BICC1: variants seen among roughly 807,000 people sequenced by gnomAD.
BICC1 encodes the protein BicC family RNA binding protein 1, also known as protein bicaudal C homolog 1.
In BICC1, 43 loss-of-function variants were observed where a neutral mutation model predicts 111.0. That is an observed-to-expected ratio of 0.39 (90% CI 0.30 to 0.50). The LOEUF (loss-of-function observed/expected upper bound fraction) is 0.50. Among genes scored for constraint, BICC1 ranks in the 20% least tolerant of loss-of-function variants. BICC1 has a pLI of 0.88. For synonymous variants in BICC1, 467 were observed against 434.4 expected (o/e 1.07, Z -0.93); for missense variants, 1,091 against 1,203.2 (o/e 0.91, Z 1.38).
chr10:58,757,003 CA>C (rs1842167230), intron 3 of BICC1, among the ~76,000 whole-genome samples: 1 of 152,096 alleles, frequency 6.6e-6, no homozygotes, highest in Non-Finnish European at 1.5e-5. Context: ...TTTAAAAATT[CA>C]ATTATTGTCT....
chr10:58,816,062 A>G (rs1411832777), intron 18 of BICC1, among the ~76,000 whole-genome samples: 2 of 152,156 alleles, frequency 1.3e-5, no homozygotes, highest in East Asian at 3.9e-4. Context: ...TTTCCTGGGC[A>G]TCCCTATTTA....
chr10:58,800,866 C>T, intron 13 of BICC1, 24 bp from the exon 14 acceptor site: 2 of 1,565,250 alleles, frequency 1.3e-6, no homozygotes, highest in Non-Finnish European at 8.6e-7. Flanking sequence ...AGGTGTTTCA[C>T]TTTTTTTTCC....
intron 3 of BICC1, among the ~76,000 whole-genome samples, chr10:58,729,658 C>T (rs571547909): frequency 5.9e-5 from 9 of 152,270 alleles, no homozygotes; most frequent in Non-Finnish European, 1.3e-4. Context: ...CTGGGGAGGC[C>T]TCAGGGAGCT....
At chr10:58,529,303 GT>G (rs1390686348) in intron 1 of BICC1, among the ~76,000 whole-genome samples, 1 of 151,880 alleles carries the variant, frequency 6.6e-6, no homozygotes, top group Non-Finnish European at 1.5e-5. Context: ...AAAATGTAAT[GT>G]TGTGCCTTAG....
chr10:58,757,125 C>T (rs1008729373), intron 3 of BICC1, among the ~76,000 whole-genome samples: 4 of 152,062 alleles, frequency 2.6e-5, no homozygotes, highest in Admixed American at 6.6e-5. Context: ...TCGTGTAACC[C>T]GCTACAAGAC....
intron 2 of BICC1, among the ~76,000 whole-genome samples, chr10:58,684,719 A>G (rs1839656127): frequency 1.3e-5 from 2 of 152,036 alleles, no homozygotes. Flanking sequence ...ATCGGTGGTG[A>G]TATCCCCTTT....
chr10:58,513,705 C>T (rs776017402), intron 1 of BICC1, among the ~76,000 whole-genome samples: 20 of 152,256 alleles, frequency 1.3e-4, no homozygotes, highest in Non-Finnish European at 2.4e-4. Flanking sequence ...CGTGACCCTC[C>T]CCATTCCCTG....
chr10:58,536,567 G>GCAA, intron 1 of BICC1, among the ~76,000 whole-genome samples: 1 of 151,886 alleles, frequency 6.6e-6, no homozygotes, highest in Admixed American at 6.6e-5. Flanking sequence ...AGCAAAAGCA[G>GCAA]TGTTAAGAGG....
intron 1 of BICC1, among the ~76,000 whole-genome samples, chr10:58,524,302 C>G (rs1842472079): frequency 6.6e-6 from 1 of 152,148 alleles, no homozygotes; most frequent in African/African-American, 2.4e-5. Flanking sequence ...TCAAACTATA[C>G]TACAAGGCTA....
intron 2 of BICC1, among the ~76,000 whole-genome samples, chr10:58,687,860 A>G: frequency 6.6e-6 from 1 of 152,028 alleles, no homozygotes; most frequent in African/African-American, 2.4e-5. Flanking sequence ...GGCTGCACCC[A>G]CTGTCCGACA....
intron 1 of BICC1, among the ~76,000 whole-genome samples, chr10:58,519,607 T>G (rs1241893792): frequency 6.6e-6 from 1 of 152,134 alleles, no homozygotes; most frequent in Non-Finnish European, 1.5e-5. Flanking sequence ...CTTTCTTTCC[T>G]TTTTTTAAAT....
chr10:58,677,273 C>G (rs1839375515), intron 2 of BICC1, among the ~76,000 whole-genome samples: 1 of 152,188 alleles, frequency 6.6e-6, no homozygotes, highest in Non-Finnish European at 1.5e-5. Context: ...GGAGCATGTT[C>G]TAACCCAATG....
intron 2 of BICC1, among the ~76,000 whole-genome samples, chr10:58,622,306 CAGAT>C (rs1183796354): frequency 2.2e-4 from 34 of 152,188 alleles, no homozygotes; most frequent in African/African-American, 8.0e-4. Flanking sequence ...CTTTAACTCA[CAGAT>C]AGATGTAAAA....
chr10:58,669,416 T>TA (rs1839114647), intron 2 of BICC1, among the ~76,000 whole-genome samples: 1 of 152,142 alleles, frequency 6.6e-6, no homozygotes, highest in Admixed American at 6.6e-5. Flanking sequence ...AAATTCAAAT[T>TA]ATGAGTTTTA....
At chr10:58,611,215 T>C (rs960176149) in intron 1 of BICC1, among the ~76,000 whole-genome samples, 1 of 152,196 alleles carries the variant, frequency 6.6e-6, no homozygotes, top group African/African-American at 2.4e-5. Context: ...CTGAATGTTT[T>C]CTAATTAAAA....
intron 3 of BICC1, among the ~76,000 whole-genome samples, chr10:58,765,547 A>C (rs1165756633): frequency 6.6e-6 from 1 of 152,238 alleles, no homozygotes; most frequent in Non-Finnish European, 1.5e-5. Context: ...GTTCACATTA[A>C]TAAGGTTGTA....
intron 1 of BICC1, among the ~76,000 whole-genome samples, chr10:58,574,877 C>G (rs191654968): frequency 6.6e-6 from 1 of 152,218 alleles, no homozygotes; most frequent in Admixed American, 6.5e-5. Flanking sequence ...GCTGCATTCT[C>G]ATTTCTTCTT....
intron 1 of BICC1, among the ~76,000 whole-genome samples, chr10:58,594,575 AT>A (rs1444760194): frequency 1.3e-5 from 2 of 152,228 alleles, no homozygotes; most frequent in African/African-American, 4.8e-5. Context: ...AATATTCAAC[AT>A]TCTTAAAGAA....
chr10:58,662,516 A>G lies in BICC1; in HGVS notation c.238-39558A>G, dbSNP rs1838875616. ...AAGCATCTGTATTTACAAGATGAGT[A>G]ACACAAGTCTGAATGTTGCGAAAGC... On this transcript the variant is annotated intron_variant, in intron 2 of 20. Coordinates refer to ENST00000373886, the MANE Select transcript of BICC1 (RefSeq NM_001080512.3). Among the ~76,000 whole-genome samples the G allele has an allele frequency of 2.0e-5, 3 of 152,318 alleles. No individual in the cohort carries two copies. In the South Asian group the frequency reaches 6.2e-4, roughly 32 times the overall value.
Sources: allele counts gnomAD v4.1 joint callset (sites outside exome capture counted in the v4.1 genomes callset), GRCh38; gene constraint gnomAD v4.1.1; transcripts MANE v1.5; gene names NCBI Gene and HGNC (gene_info 2026-07-23, HGNC 2026-07-21).